The following ERP44 variants were observed in gnomAD, a reference collection of about 807,000 sequenced individuals.
ERP44 encodes the protein endoplasmic reticulum protein 44, also known as endoplasmic reticulum resident protein 44.
A neutral mutation model predicts 53.4 loss-of-function variants in ERP44; 25 were observed. The observed-to-expected ratio is 0.47, with a 90% CI of 0.34 to 0.65. ERP44 has a LOEUF of 0.65. Ranked by LOEUF, ERP44 falls within the 30% of genes least tolerant of loss-of-function variation. The pLI, the probability that ERP44 is intolerant of heterozygous loss-of-function variation, is 0.01. For synonymous variants in ERP44, 145 were observed against 161.2 expected, an observed-to-expected ratio of 0.90 and a Z score of 0.76; for missense variants, 338 against 493.2, an observed-to-expected ratio of 0.69 and a Z score of 2.98.
intron 4 of ERP44, among the ~76,000 whole-genome samples, chr9:100,023,857 T>A (rs1830622545): frequency 6.6e-6 from 1 of 152,160 alleles, no homozygotes; most frequent in Non-Finnish European, 1.5e-5. Context: ...AATGCCTTTT[T>A]AAAAGTTACT....
chr9:100,070,351 T>G (rs1826286505), intron 1 of ERP44, among the ~76,000 whole-genome samples: 1 of 152,226 alleles, frequency 6.6e-6, no homozygotes, highest in Non-Finnish European at 1.5e-5. Context: ...CTTACAAACT[T>G]CATTTTCACA....
chr9:100,018,259 TG>T lies in ERP44; in HGVS notation c.641del (p.Pro214GlnfsTer14). ...YSGDNIIYKP[P>X]GHSAPDMVYL... ...ACATTAAGAAATAGCAACTTACCCC[TG>T]GTGGTTTGTAGATTATGTTGTCGCC... is the stretch of plus-strand genomic sequence containing the variant. On this transcript the variant is annotated frameshift_variant, in exon 7 of 12. Transcript: ENST00000262455. LOFTEE classifies it high-confidence loss of function. 1 of 1,592,142 alleles carries T rather than the reference TG, an allele frequency of 6.3e-7. No individual in the cohort carries two copies. Among genetic ancestry groups the T allele is most frequent in the Non-Finnish European group, 8.6e-7 (1 of 1,160,140 alleles).
At chr9:100,044,443 T>C (rs569126689) in intron 4 of ERP44, among the ~76,000 whole-genome samples, 1 of 152,058 alleles carries the variant, frequency 6.6e-6, no homozygotes, top group East Asian at 1.9e-4. Flanking sequence ...CAGAACAGTA[T>C]GAACATATTA....
intron 2 of ERP44, 32 bp downstream of exon 2, chr9:100,060,068 A>G (rs1826126842): frequency 7.2e-7 from 1 of 1,398,554 alleles, no homozygotes; most frequent in Non-Finnish European, 9.4e-7. Flanking sequence ...TAGAGAAGAA[A>G]GAGTACACTT....
intron 8 of ERP44, among the ~76,000 whole-genome samples, chr9:100,013,965 G>C (rs1564089831): frequency 1.3e-5 from 2 of 152,174 alleles, no homozygotes; most frequent in Admixed American, 6.5e-5. Flanking sequence ...GCATGAAAAT[G>C]AATGAACTAC....
chr9:100,060,531 T>C (rs914472962), intron 1 of ERP44, among the ~76,000 whole-genome samples: 1 of 152,152 alleles, frequency 6.6e-6, no homozygotes, highest in Non-Finnish European at 1.5e-5. Context: ...AGTATAAACA[T>C]AAAAACCAAA....
intron 4 of ERP44, among the ~76,000 whole-genome samples, chr9:100,032,796 G>C (rs759039323): frequency 2.6e-5 from 4 of 152,130 alleles, no homozygotes; most frequent in Non-Finnish European, 5.9e-5. Context: ...AACTCTAACA[G>C]GTATTCTTGA....
rs1353547498 is a variant in ERP44, at chr9:100,098,981, C to G, written c.-141G>C. ...GCAGCGGCACCTCGTCCTCTCGACC[C>G]GGGCTCCAGCGGCGAACACCCGGGA... is the stretch of plus-strand genomic sequence containing the variant. On this transcript the variant is annotated 5_prime_UTR_variant, in exon 1 of 12. Transcript: ENST00000262455. 1 of 644,272 alleles carries G rather than the reference C, an allele frequency of 1.6e-6. No homozygotes were observed. Among genetic ancestry groups the G allele is most frequent in the African/African-American group, 1.8e-5 (1 of 54,500 alleles). The allele number at this position is 644,272 out of a possible 1,614,324, so 39.9% of individuals were successfully genotyped here. A position where few individuals can be genotyped will look rare whatever the true frequency, so the allele number is the denominator to read the frequency against.
intron 4 of ERP44, among the ~76,000 whole-genome samples, chr9:100,022,904 C>A (rs1287781825): frequency 6.6e-6 from 1 of 152,112 alleles, no homozygotes; most frequent in African/African-American, 2.4e-5. Flanking sequence ...TTATATAGCA[C>A]TTTGGCAAAT....
Position 99,982,660 on chromosome 9 carries a change from T to C in ERP44, c.1173A>G (p.Ala391=). The change falls in exon 12 of 12, where the codon GCA becomes GCG. Residue 391 remains alanine (A), a synonymous_variant. Coordinates refer to ENST00000262455, the MANE Select transcript of ERP44 (RefSeq NM_015051.3). The part of the protein sequence containing the change: ...SPPESSFQKL[A]PSEYRYTLLR... ...ATAGAGTATACCTATATTCACTGGG[T>C]GCTAGTTTCTGGAAGGAGCTCTCAG... 6.2e-7 allele frequency: 1 copy of C among 1,610,006 alleles called. No individual in the cohort carries two copies. Among genetic ancestry groups the C allele is most frequent in the Non-Finnish European group, 8.5e-7 (1 of 1,178,838 alleles).
chr9:100,092,722 C>T (rs149219689), intron 1 of ERP44, among the ~76,000 whole-genome samples: 1 of 152,102 alleles, frequency 6.6e-6, no homozygotes, highest in Non-Finnish European at 1.5e-5. Context: ...CAAACATGCA[C>T]ACAAGAAAAC....
At position 100,068,596 on chromosome 9, in the gene ERP44, T is replaced by C. The variant is rs1243226639; in HGVS notation, c.58-8424A>G. 5.4e-5 allele frequency among the ~76,000 whole-genome samples: 7 copies of C among 129,484 alleles called. No individual in the cohort carries two copies. The East Asian group carries it at 7.9e-4, about 15-fold the overall frequency. 84.9% of individuals were successfully genotyped at this position (129,484 alleles called of 152,430 possible). On this transcript the variant is annotated intron_variant, in intron 1 of 11. Transcript: ENST00000262455. Reference sequence around the variant, plus strand: ...GGGGTCAGCCCCCAGCCCGGCCGGCTGCCCCGTCCGGGAGGGAGGTGGGGG... The same window carrying C: ...GGGGTCAGCCCCCAGCCCGGCCGGCCGCCCCGTCCGGGAGGGAGGTGGGGG...
intron 10 of ERP44, chr9:99,998,935 CCA>C (rs1395721372): frequency 6.3e-7 from 1 of 1,594,032 alleles, no homozygotes; most frequent in Non-Finnish European, 8.6e-7. Context: ...TTCTCTTCCT[CCA>C]CACAGTAGGT....
intron 1 of ERP44, among the ~76,000 whole-genome samples, chr9:100,070,852 C>G (rs192320100): frequency 8.5e-5 from 13 of 152,124 alleles, no homozygotes; most frequent in Admixed American, 4.6e-4. Flanking sequence ...ATTTGGCCTC[C>G]CCCCAGAAGT....
At chr9:100,064,149 C>A (rs1312485107) in intron 1 of ERP44, among the ~76,000 whole-genome samples, 1 of 152,192 alleles carries the variant, frequency 6.6e-6, no homozygotes, top group Admixed American at 6.5e-5. Flanking sequence ...CAAATTAATT[C>A]TATCCTTAAA....
At chr9:100,006,690 T>C (rs377461381) in intron 9 of ERP44, 43 bp from the exon 10 acceptor site, 10 of 1,424,814 alleles carry the variant, frequency 7.0e-6, no homozygotes, top group Non-Finnish European at 9.5e-6. Flanking sequence ...CAAATTTTCT[T>C]GAAAATATTT....
intron 1 of ERP44, among the ~76,000 whole-genome samples, chr9:100,061,352 G>C (rs906764910): frequency 1.6e-4 from 24 of 151,874 alleles, no homozygotes; most frequent in Non-Finnish European, 5.9e-5. Flanking sequence ...GCTGAGGCAG[G>C]AGAATCACTT....
chr9:100,016,012 T>TA (rs1435182445), intron 8 of ERP44, among the ~76,000 whole-genome samples: 1 of 152,136 alleles, frequency 6.6e-6, no homozygotes, highest in Non-Finnish European at 1.5e-5. Context: ...ACCCTTGTTC[T>TA]AAAGGACATC....
intron 1 of ERP44, among the ~76,000 whole-genome samples, chr9:100,083,609 CT>C (rs1826450316): frequency 6.6e-6 from 1 of 152,162 alleles, no homozygotes; most frequent in Non-Finnish European, 1.5e-5. Flanking sequence ...TAGTACATGC[CT>C]TGCTCCAGTC....
Sources: allele counts gnomAD v4.1 joint callset (sites outside exome capture counted in the v4.1 genomes callset), GRCh38; gene constraint gnomAD v4.1.1; transcripts MANE v1.5; gene names NCBI Gene and HGNC (gene_info 2026-07-23, HGNC 2026-07-21).